FUT8: variants seen among roughly 807,000 people sequenced by gnomAD.
FUT8 encodes fucosyltransferase 8.
FUT8 carries 29 observed loss-of-function variants against 71.3 expected under a neutral mutation model. The observed-to-expected ratio is 0.41, with a 90% CI of 0.30 to 0.55. FUT8 has a LOEUF of 0.55. Ranked by LOEUF, FUT8 falls within the 20% of genes least tolerant of loss-of-function variation. The pLI, the probability that FUT8 is intolerant of heterozygous loss-of-function variation, is 0.34. For missense variants in FUT8, 544 were observed against 702.1 expected (o/e 0.77, Z 2.55); for synonymous variants, 254 against 239.3 (o/e 1.06, Z -0.57).
chr14:65,448,920 T>C (rs908878403), intron 1 of FUT8, among the ~76,000 whole-genome samples: 1 of 152,204 alleles, frequency 6.6e-6, no homozygotes, highest in East Asian at 1.9e-4. Flanking sequence ...ACACAGCTAT[T>C]TATATGAATG....
intron 1 of FUT8, among the ~76,000 whole-genome samples, chr14:65,449,353 G>A (rs1184914026): frequency 3.3e-5 from 5 of 152,042 alleles, no homozygotes; most frequent in African/African-American, 1.2e-4. Flanking sequence ...AGACTTTTTC[G>A]TTTTGTTCAC....
At chr14:65,648,356 G>A (rs1192625889) in intron 6 of FUT8, among the ~76,000 whole-genome samples, 2 of 152,024 alleles carry the variant, frequency 1.3e-5, no homozygotes, top group Non-Finnish European at 2.9e-5. Flanking sequence ...AACTCTTGTT[G>A]GTATTCCAGG....
intron 1 of FUT8, among the ~76,000 whole-genome samples, chr14:65,414,343 T>C (rs2065187952): frequency 6.6e-6 from 1 of 152,204 alleles, no homozygotes; most frequent in South Asian, 2.1e-4. Flanking sequence ...ACATTCTATG[T>C]TTTATGACTA....
intron 2 of FUT8, among the ~76,000 whole-genome samples, chr14:65,482,065 A>G (rs142092871): frequency 3.9e-5 from 6 of 152,220 alleles, no homozygotes; most frequent in African/African-American, 1.4e-4. Context: ...TCTAAGATAT[A>G]TTTGCCTAAT....
intron 7 of FUT8, 26 bp from the exon 8 acceptor site, chr14:65,721,749 A>G: frequency 6.2e-7 from 1 of 1,612,504 alleles, no homozygotes; most frequent in Non-Finnish European, 8.5e-7. Flanking sequence ...CCATGTGGTA[A>G]TGATTATATG....
the FUT8 span, among the ~76,000 whole-genome samples, chr14:65,386,263 T>C: frequency 4.0e-5 from 6 of 151,744 alleles, no homozygotes; most frequent in African/African-American, 1.5e-4. Context: ...GTCGAGATGG[T>C]GCCATTGCAC....
At chr14:65,634,373 G>A (rs545359755) in intron 6 of FUT8, among the ~76,000 whole-genome samples, 4 of 151,904 alleles carry the variant, frequency 2.6e-5, no homozygotes, top group Admixed American at 6.6e-5. Flanking sequence ...CAACATGCTC[G>A]TTAAGAGTCA....
At chr14:65,629,921 G>T (rs1198594428) in intron 6 of FUT8, among the ~76,000 whole-genome samples, 1 of 152,042 alleles carries the variant, frequency 6.6e-6, no homozygotes. Flanking sequence ...GCTTATTGGA[G>T]TTTTGAGTAA....
At chr14:65,560,072 C>T (rs1176629125) in intron 2 of FUT8, among the ~76,000 whole-genome samples, 1 of 152,040 alleles carries the variant, frequency 6.6e-6, no homozygotes, top group East Asian at 1.9e-4. Context: ...TGATTTTCTT[C>T]TCTTTGAATA....
At chr14:65,695,337 A>G (rs1382735694) in intron 7 of FUT8, among the ~76,000 whole-genome samples, 1 of 152,156 alleles carries the variant, frequency 6.6e-6, no homozygotes, top group East Asian at 1.9e-4. Context: ...TTTGACAGTC[A>G]GTTGTTAGGT....
At chr14:65,637,690 C>T (rs968908214) in intron 6 of FUT8, among the ~76,000 whole-genome samples, 3 of 151,914 alleles carry the variant, frequency 2.0e-5, no homozygotes, top group African/African-American at 7.3e-5. Flanking sequence ...GTTCCACAAC[C>T]AAGAAGAATA....
intron 6 of FUT8, among the ~76,000 whole-genome samples, chr14:65,650,649 C>G (rs1891346350): frequency 2.1e-5 from 3 of 143,098 alleles, no homozygotes; most frequent in Admixed American, 1.5e-4. Context: ...TGCATTTCAA[C>G]TTGAGATTTG....
At chr14:65,519,226 AAAC>A (rs1447197303) in intron 2 of FUT8, among the ~76,000 whole-genome samples, 1 of 152,158 alleles carries the variant, frequency 6.6e-6, no homozygotes, top group African/African-American at 2.4e-5. Context: ...AAAAAAATGG[AAAC>A]AAACTGTTTA....
chr14:65,667,093 C>T lies in FUT8; in HGVS notation c.598-2150C>T, dbSNP rs1025879850. On this transcript the variant is annotated intron_variant, in intron 6 of 10. Transcript: ENST00000673929. ...AGTGGACAAAAGCTGGAAGCCTTCC[C>T]CTTGAGAACCAGAACAAGACAAGGA... Among the ~76,000 whole-genome samples the T allele has an allele frequency of 2.0e-5, 3 of 152,030 alleles. No individual in the cohort carries two copies. In the South Asian group the frequency reaches 6.2e-4, roughly 32 times the overall value.
chr14:65,524,264 A>G (rs1389543450), intron 2 of FUT8, among the ~76,000 whole-genome samples: 1 of 152,114 alleles, frequency 6.6e-6, no homozygotes, highest in East Asian at 1.9e-4. Context: ...AGTGGTTTGT[A>G]GTTCTTCTTG....
At chr14:65,376,251 C>T in the FUT8 span, among the ~76,000 whole-genome samples, 1 of 152,098 alleles carries the variant, frequency 6.6e-6, no homozygotes, top group Non-Finnish European at 1.5e-5. Context: ...GGCAGTGAGA[C>T]TAGGAAGACA....
intron 1 of FUT8, among the ~76,000 whole-genome samples, chr14:65,433,559 A>G (rs963456929): frequency 6.6e-6 from 1 of 152,256 alleles, no homozygotes; most frequent in Non-Finnish European, 1.5e-5. Context: ...GACACAAAGT[A>G]ACATATATCT....
At chr14:65,415,365 T>A (rs1041542976) in intron 1 of FUT8, among the ~76,000 whole-genome samples, 1 of 152,206 alleles carries the variant, frequency 6.6e-6, no homozygotes, top group Non-Finnish European at 1.5e-5. Flanking sequence ...CAAATTAGTT[T>A]AAAAAAGTCT....
intron 6 of FUT8, among the ~76,000 whole-genome samples, chr14:65,663,046 T>G (rs1892046278): frequency 6.6e-6 from 1 of 152,092 alleles, no homozygotes; most frequent in Admixed American, 6.5e-5. Flanking sequence ...TTTATTATGT[T>G]TATAGTTTAG....
Sources: allele counts gnomAD v4.1 joint callset (sites outside exome capture counted in the v4.1 genomes callset), GRCh38; gene constraint gnomAD v4.1.1; transcripts MANE v1.5; gene names NCBI Gene and HGNC (gene_info 2026-07-23, HGNC 2026-07-21).